Variants in GAS2 observed in about 807,000 individuals in gnomAD.
GAS2 encodes the protein growth arrest-specific protein 2.
GAS2 carries 20 observed loss-of-function variants against 37.5 expected under a neutral mutation model. The observed-to-expected ratio is 0.53, with a 90% CI of 0.37 to 0.77. GAS2 has a LOEUF of 0.77. Ranked by LOEUF, GAS2 falls within the 30% of genes least tolerant of loss-of-function variation. The pLI, the probability that GAS2 is intolerant of heterozygous loss-of-function variation, is 0.00. For missense variants in GAS2, 336 were observed against 373.4 expected (o/e 0.90, Z 0.82); for synonymous variants, 144 against 132.2 (o/e 1.09, Z -0.61).
chr11:22,649,024 GC>G (rs1203181501), intron 1 of GAS2, among the ~76,000 whole-genome samples: 1 of 152,126 alleles, frequency 6.6e-6, no homozygotes, highest in East Asian at 1.9e-4. Flanking sequence ...TCCAGTTTTT[GC>G]CCATTCAGTA....
chr11:22,776,381 A>C (rs1375483538), intron 7 of GAS2, among the ~76,000 whole-genome samples: 2 of 152,184 alleles, frequency 1.3e-5, no homozygotes, highest in Non-Finnish European at 2.9e-5. Flanking sequence ...TGTTCTATAA[A>C]CCATATAGTT....
chr11:22,765,707 A>T (rs1028876367), intron 7 of GAS2, among the ~76,000 whole-genome samples: 1 of 151,690 alleles, frequency 6.6e-6, no homozygotes, highest in Non-Finnish European at 1.5e-5. Flanking sequence ...TGAACCCAGG[A>T]GGCAGAGCTT....
At chr11:22,778,329 G>C (rs766457465) in intron 7 of GAS2, among the ~76,000 whole-genome samples, 6 of 152,190 alleles carry the variant, frequency 3.9e-5, no homozygotes, top group Non-Finnish European at 7.3e-5. Flanking sequence ...GAATAGGGTG[G>C]TGAATGAGAC....
intron 7 of GAS2, among the ~76,000 whole-genome samples, chr11:22,761,446 G>A (rs1007913402): frequency 6.6e-6 from 1 of 152,140 alleles, no homozygotes; most frequent in Non-Finnish European, 1.5e-5. Flanking sequence ...GTCACATGTT[G>A]TGAGGTAGAT....
intron 7 of GAS2, among the ~76,000 whole-genome samples, chr11:22,789,586 C>T (rs1442421841): frequency 1.2e-4 from 17 of 147,374 alleles, no homozygotes; most frequent in East Asian, 4.0e-4. Context: ...CTCAGCCTCC[C>T]GAGTAGCTGG....
At chr11:22,640,270 G>A (rs759918158) in intron 1 of GAS2, among the ~76,000 whole-genome samples, 1 of 152,174 alleles carries the variant, frequency 6.6e-6, no homozygotes, top group Non-Finnish European at 1.5e-5. Flanking sequence ...ACCGTAACAT[G>A]TAATAATAGA....
chr11:22,709,915 A>G (rs980618596), intron 3 of GAS2, among the ~76,000 whole-genome samples: 1 of 151,976 alleles, frequency 6.6e-6, no homozygotes, highest in Non-Finnish European at 1.5e-5. Context: ...GCAAGGACAA[A>G]AAAACCAAAC....
chr11:22,695,328 A>G (rs577999205), intron 3 of GAS2, among the ~76,000 whole-genome samples: 1,896 of 152,140 alleles, frequency 0.012, 39 homozygotes, highest in African/African-American at 0.044. Flanking sequence ...TCAAAAAGAA[A>G]AAAAAAAGAC....
chr11:22,658,322 C>T (rs1430327550), intron 1 of GAS2, among the ~76,000 whole-genome samples: 1 of 152,150 alleles, frequency 6.6e-6, no homozygotes, highest in African/African-American at 2.4e-5. Context: ...AGCCACTGTG[C>T]CTGGCCTTTG....
intron 3 of GAS2, among the ~76,000 whole-genome samples, chr11:22,721,706 G>T (rs1352925252): frequency 6.6e-6 from 1 of 151,990 alleles, no homozygotes; most frequent in Non-Finnish European, 1.5e-5. Flanking sequence ...TACCATATTG[G>T]TTAGCACAGA....
At chr11:22,660,003 TG>T (rs1477285145) in intron 1 of GAS2, among the ~76,000 whole-genome samples, 2 of 152,148 alleles carry the variant, frequency 1.3e-5, no homozygotes, top group African/African-American at 4.8e-5. Flanking sequence ...TTCCCATTTG[TG>T]TTGGGAAATG....
Position 22,650,173 on chromosome 11 carries a change from GT to G in GAS2, c.-21+24361del, listed in dbSNP as rs1444525469. On this transcript the variant is annotated intron_variant, in intron 1 of 5. Transcript: ENST00000528582. ...TTTATTTCTGCCTTCATTTCGTTAT[GT>G]ACCCAGTAGTCATTCAGGAGCAGGT... 9.9e-5 allele frequency among the ~76,000 whole-genome samples: 15 copies of G among 151,298 alleles called. No individual in the cohort carries two copies. In the South Asian group the frequency reaches 1.3e-3, roughly 13 times the overall value.
chr11:22,643,804 C>G (rs1848656807), intron 1 of GAS2, among the ~76,000 whole-genome samples: 1 of 151,712 alleles, frequency 6.6e-6, no homozygotes. Context: ...TATTTTTATC[C>G]AACAGTTATC....
intron 3 of GAS2, among the ~76,000 whole-genome samples, chr11:22,708,755 A>C (rs765275202): frequency 3.2e-4 from 48 of 152,188 alleles, no homozygotes; most frequent in Non-Finnish European, 2.2e-4. Flanking sequence ...ATTCCTCATA[A>C]AGCCTACAGC....
intron 1 of GAS2, among the ~76,000 whole-genome samples, chr11:22,638,069 A>G (rs1208395641): frequency 6.6e-6 from 1 of 151,992 alleles, no homozygotes; most frequent in African/African-American, 2.4e-5. Flanking sequence ...CTCAATGAAC[A>G]TTGGCTATTG....
intron 1 of GAS2, among the ~76,000 whole-genome samples, chr11:22,632,441 TTGTAGGTTACCTGA>T (rs1030127503): frequency 6.6e-6 from 1 of 152,168 alleles, no homozygotes; most frequent in African/African-American, 2.4e-5. Flanking sequence ...AGGTTTTACC[TTGTAGGTTACCTGA>T]TGCTTTTTTC....
intron 7 of GAS2, among the ~76,000 whole-genome samples, chr11:22,765,710 C>T (rs544496659): frequency 6.6e-6 from 1 of 151,356 alleles, no homozygotes; most frequent in South Asian, 2.1e-4. Context: ...ACCCAGGAGG[C>T]AGAGCTTGCA....
chr11:22,704,641 T>A (rs1851016891), intron 3 of GAS2, among the ~76,000 whole-genome samples: 1 of 132,864 alleles, frequency 7.5e-6, no homozygotes, highest in Non-Finnish European at 1.6e-5. Context: ...CATCTCAAAT[T>A]CATGATTCTC....
intron 7 of GAS2, among the ~76,000 whole-genome samples, chr11:22,772,229 C>T (rs903324413): frequency 2.6e-5 from 4 of 152,060 alleles, no homozygotes; most frequent in African/African-American, 9.7e-5. Flanking sequence ...CAGCCCTGAC[C>T]CCCATTTATC....
Sources: gnomAD v4.1 joint callset for allele counts (sites outside exome capture counted in the v4.1 genomes callset) on GRCh38, gnomAD v4.1.1 for gene constraint, MANE v1.5 for transcripts, NCBI Gene and HGNC (gene_info 2026-07-23, HGNC 2026-07-21) for gene names.